The following CFAP68 variants were observed in gnomAD, a reference collection of about 807,000 sequenced individuals.
CFAP68 encodes the protein cilia- and flagella-associated protein 68.
chr11:111,881,318 A>G, the CFAP68 span: 3,363 of 1,446,436 alleles, frequency 2.3e-3, 73 homozygotes, highest in African/African-American at 0.043. Flanking sequence ...CAGTGCATGC[A>G]TCTGTCTTCA....
At chr11:111,883,856 CATGA>C in the CFAP68 span, 1 of 1,608,030 alleles carries the variant, frequency 6.2e-7, no homozygotes, top group Admixed American at 1.7e-5. Context: ...AGTCAACTTA[CATGA>C]ATAGCTATTC....
At chr11:111,883,792 G>A in the CFAP68 span, 2 of 1,612,696 alleles carry the variant, frequency 1.2e-6, no homozygotes, top group East Asian at 4.5e-5. Flanking sequence ...GAGCCTCACT[G>A]GTTCCCAGGA....
the CFAP68 span, among the ~76,000 whole-genome samples, chr11:111,882,028 G>T: frequency 6.6e-6 from 1 of 152,190 alleles, no homozygotes; most frequent in Non-Finnish European, 1.5e-5. Context: ...GACTGTAGCA[G>T]TGCTTTTAGT....
the CFAP68 span, chr11:111,879,578 T>C: frequency 6.2e-7 from 1 of 1,614,106 alleles, no homozygotes; most frequent in African/African-American, 1.3e-5. Context: ...CCTCCCAGTG[T>C]CTCTGCTGCT....
chr11:111,885,903 G>A, the CFAP68 span: 1 of 151,716 alleles, frequency 6.6e-6, no homozygotes. Context: ...CCCACCATTA[G>A]TTATTGAAAA....
chr11:111,881,536 G>A, the CFAP68 span: 3 of 1,535,934 alleles, frequency 2.0e-6, no homozygotes, highest in Admixed American at 2.0e-5. Flanking sequence ...GAACAGCCAA[G>A]TAAGGATTTC....
At chr11:111,883,883 TG>T in the CFAP68 span, 18 of 1,561,104 alleles carry the variant, frequency 1.2e-5, no homozygotes, top group Non-Finnish European at 1.6e-5. Flanking sequence ...AGCCTTAAAT[TG>T]GGCATCACTC....
chr11:111,884,052 A>C, the CFAP68 span: 1 of 510,324 alleles, frequency 2.0e-6, no homozygotes, highest in Non-Finnish European at 3.4e-6. Flanking sequence ...TCTCTGAATA[A>C]ATAAAGCAAA....
At chr11:111,883,661 A>C in the CFAP68 span, 80 of 756,600 alleles carry the variant, frequency 1.1e-4, no homozygotes, top group Admixed American at 2.1e-3. Context: ...CTTCAATTTT[A>C]ACAGGACTTA....
the CFAP68 span, among the ~76,000 whole-genome samples, chr11:111,882,164 T>C: frequency 1.3e-5 from 2 of 152,196 alleles, no homozygotes; most frequent in East Asian, 3.9e-4. Context: ...ATTTAATCCA[T>C]GTAGTCACCC....
chr11:111,883,287 A>T, the CFAP68 span: 3 of 1,207,686 alleles, frequency 2.5e-6, no homozygotes, highest in Non-Finnish European at 3.6e-6. Flanking sequence ...ATAAAAGTAA[A>T]CTGAATAGGT....
At chr11:111,882,409 C>T in the CFAP68 span, 1 of 1,614,082 alleles carries the variant, frequency 6.2e-7, no homozygotes, top group Non-Finnish European at 8.5e-7. Flanking sequence ...CACACTGTGG[C>T]AGCCTTGTTA....
the CFAP68 span, chr11:111,881,730 C>T: frequency 2.4e-6 from 3 of 1,236,298 alleles, no homozygotes; most frequent in African/African-American, 4.6e-5. Context: ...TATATGCAAT[C>T]CAGATTGATT....
the CFAP68 span, chr11:111,883,951 G>T: frequency 6.1e-6 from 7 of 1,139,256 alleles, no homozygotes; most frequent in Non-Finnish European, 9.0e-6. Flanking sequence ...TCTAAGAAAT[G>T]ATAAGATACT....
chr11:111,884,502 C>A, the CFAP68 span: 5 of 143,028 alleles, frequency 3.5e-5, no homozygotes, highest in East Asian at 4.3e-4. Context: ...AGAATTATTT[C>A]TCTGAAGTCT....
the CFAP68 span, chr11:111,880,811 A>G: frequency 2.2e-6 from 1 of 456,258 alleles, no homozygotes; most frequent in Non-Finnish European, 4.4e-6. Flanking sequence ...CCTTCCGGTA[A>G]CAAGAACATG....
the CFAP68 span, chr11:111,881,061 AT>A: frequency 2.4e-6 from 1 of 425,264 alleles, no homozygotes; most frequent in Non-Finnish European, 3.7e-6. Context: ...TTGAATTGAA[AT>A]TTGGCAATGG....
At chr11:111,882,661 C>G in the CFAP68 span, 3 of 1,377,332 alleles carry the variant, frequency 2.2e-6, no homozygotes, top group Non-Finnish European at 2.9e-6. Flanking sequence ...AATGTAGTGG[C>G]CATTTGAAAT....
the CFAP68 span, chr11:111,880,620 A>G: frequency 3.1e-6 from 1 of 327,842 alleles, no homozygotes; most frequent in South Asian, 2.3e-5. Context: ...GGTATGAATT[A>G]ATCCACCCCT....
Sources: allele counts gnomAD v4.1 joint callset (sites outside exome capture counted in the v4.1 genomes callset), GRCh38; gene constraint gnomAD v4.1.1; transcripts MANE v1.5; gene names NCBI Gene and HGNC (gene_info 2026-07-23, HGNC 2026-07-21).